Variants in CDC14A observed in about 807,000 individuals in gnomAD.
CDC14A encodes the protein dual specificity protein phosphatase CDC14A.
A neutral mutation model predicts 74.4 loss-of-function variants in CDC14A; 53 were observed. That is an observed-to-expected ratio of 0.71 (90% CI 0.57 to 0.89). The LOEUF is 0.89. Ranked by LOEUF, CDC14A falls within the 40% of genes least tolerant of loss-of-function variation. The pLI is 0.00. For synonymous variants in CDC14A, 247 were observed against 258.4 expected (o/e 0.96, Z 0.43); for missense variants, 646 against 713.7 (o/e 0.91, Z 1.08).
intron 15 of CDC14A, among the ~76,000 whole-genome samples, chr1:100,509,792 T>A (rs1451853017): frequency 6.6e-6 from 1 of 152,240 alleles, no homozygotes; most frequent in Non-Finnish European, 1.5e-5. Flanking sequence ...GAGAACTGTT[T>A]TTATCAGTTT....
At position 100,518,515 on chromosome 1, in the gene CDC14A, G is replaced by T; in HGVS notation, c.*235G>T. The T allele has an allele frequency of 4.7e-6, 2 of 424,456 alleles. No individual in the cohort carries two copies. Among genetic ancestry groups the T allele is most frequent in the African/African-American group, 2.0e-5 (1 of 49,048 alleles). The allele number at this position is 424,456 out of a possible 1,614,324, so 26.3% of individuals were successfully genotyped here. On this transcript the variant is annotated 3_prime_UTR_variant, in exon 16 of 16. Transcript: ENST00000336454. ...GGAGATTTCCATACTTTTAAAGACA[G>T]TTTTAATGTTGAATTTGGTATTTTG...
chr1:100,358,666 G>A lies in CDC14A; in HGVS notation c.140+4814G>A, dbSNP rs553598203. 4.8e-3 allele frequency among the ~76,000 whole-genome samples: 732 copies of A among 152,310 alleles called. 1 individual carries two copies. The highest frequency in any genetic ancestry group is 8.9e-3 in the Non-Finnish European group (603 of 68,034). On this transcript the variant is annotated intron_variant, in intron 2 of 15. Transcript: ENST00000336454. ...ATGAGAACTAATTAGCTAAATGGAA[G>A]ATTTAAATAATTTAAAACATTCAAT...
rs67056785 is a variant in CDC14A at position 100,491,548 on chromosome 1, CTA to C, written c.1138-3246_1138-3245del. Among the ~76,000 whole-genome samples the C allele has an allele frequency of 6.6e-3, 254 of 38,724 alleles. 8 individuals are homozygous for C. Among genetic ancestry groups the C allele is most frequent in the African/African-American group, 0.015 (178 of 11,570 alleles). The allele number at this position is 38,724 out of a possible 152,430, so 25.4% of individuals were successfully genotyped here. A position where few individuals can be genotyped will look rare whatever the true frequency, so the allele number is the denominator to read the frequency against. On this transcript the variant is annotated intron_variant, in intron 11 of 15. Coordinates refer to ENST00000336454, the MANE Select transcript of CDC14A (RefSeq NM_003672.4). ...TCTCTCTCTCTCTCTCTCTCTCTCT[CTA>C]TATATATATATATATATATATATTT...
At chr1:100,376,428 G>A (rs1306577368) in intron 2 of CDC14A, among the ~76,000 whole-genome samples, 1 of 152,138 alleles carries the variant, frequency 6.6e-6, no homozygotes, top group Non-Finnish European at 1.5e-5. Flanking sequence ...ATATTTATTT[G>A]TTGGCCTACT....
intron 15 of CDC14A, chr1:100,504,730 A>G: frequency 5.0e-6 from 5 of 996,014 alleles, no homozygotes; most frequent in South Asian, 4.2e-5. Flanking sequence ...TTGAGCTTTC[A>G]GGCCCTCTGT....
intron 8 of CDC14A, among the ~76,000 whole-genome samples, chr1:100,460,419 C>T (rs770203618): frequency 1.3e-5 from 2 of 152,122 alleles, no homozygotes; most frequent in African/African-American, 2.4e-5. Context: ...CAATTGCTAA[C>T]ACAACGTGTG....
chr1:100,410,602 C>T (rs1328825824), intron 4 of CDC14A, among the ~76,000 whole-genome samples: 1 of 152,236 alleles, frequency 6.6e-6, no homozygotes, highest in African/African-American at 2.4e-5. Context: ...CAGGCATGAG[C>T]CACTGTGCCC....
At chr1:100,351,772 T>C (rs940687561), upstream of CDC14A, 5 of 1,550,452 alleles carry the variant, frequency 3.2e-6, no homozygotes, top group African/African-American at 2.7e-5. Context: ...AAACTTTTTG[T>C]CCCGTGAGAA....
At chr1:100,351,102 G>T (rs1292254976), upstream of CDC14A, among the ~76,000 whole-genome samples, 5 of 152,102 alleles carry the variant, frequency 3.3e-5, no homozygotes, top group Non-Finnish European at 2.9e-5. Context: ...AATGAGGCAC[G>T]AGAATCGCTT....
At chr1:100,383,894 C>CT (rs368973262) in intron 3 of CDC14A, among the ~76,000 whole-genome samples, 2,068 of 146,386 alleles carry the variant, frequency 0.014, 38 homozygotes, top group African/African-American at 0.04. Flanking sequence ...ACCTTTAACT[C>CT]TTTTTTTTTT....
At chr1:100,420,063 C>CACACACACACACACATATATAT in intron 4 of CDC14A, among the ~76,000 whole-genome samples, 4 of 61,598 alleles carry the variant, frequency 6.5e-5, no homozygotes, top group African/African-American at 1.6e-4. Context: ...CACACACACA[C>CACACACACACACACATATATAT]ATATATATAT....
chr1:100,352,251 A>G (rs1388578974), upstream of CDC14A, among the ~76,000 whole-genome samples: 1 of 152,164 alleles, frequency 6.6e-6, no homozygotes, highest in Non-Finnish European at 1.5e-5. Flanking sequence ...CCCTGGGCCG[A>G]GGGCCCCGTT....
At position 100,520,182 on chromosome 1, in the gene CDC14A, T is replaced by G. The variant is rs1289868264; in HGVS notation, c.*1902T>G. 1 of 152,598 alleles carries G rather than the reference T, an allele frequency of 6.6e-6. No individual in the cohort carries two copies. The highest frequency in any genetic ancestry group is 2.4e-5 in the African/African-American group (1 of 41,458). The allele number at this position is 152,598 out of a possible 1,614,324, so 9.5% of individuals were successfully genotyped here. A position where few individuals can be genotyped will look rare whatever the true frequency, so the allele number is the denominator to read the frequency against. ...AATAAAAATTGTTTGACATGTATTTTGTTATGAATAGTTTATCTTCCAAAA... is the reference window on the plus strand; with the variant it reads ...AATAAAAATTGTTTGACATGTATTTGGTTATGAATAGTTTATCTTCCAAAA... On this transcript the variant is annotated 3_prime_UTR_variant, in exon 16 of 16. Coordinates refer to ENST00000336454, the MANE Select transcript of CDC14A (RefSeq NM_003672.4).
chr1:100,496,120 C>G, intron 13 of CDC14A, 71 bp downstream of exon 13: 1 of 1,324,288 alleles, frequency 7.6e-7, no homozygotes, highest in Non-Finnish European at 1.1e-6. Flanking sequence ...TTTCCCAAGC[C>G]TCAAACACGA....
At chr1:100,468,824 C>A (rs1298731257) in intron 10 of CDC14A, among the ~76,000 whole-genome samples, 3 of 152,142 alleles carry the variant, frequency 2.0e-5, no homozygotes, top group Non-Finnish European at 4.4e-5. Flanking sequence ...ACTGGTTGAT[C>A]TAAGTCCAGC....
chr1:100,491,572 A>ATATATTT lies in CDC14A; in HGVS notation c.1138-3245_1138-3244insATATTTT, dbSNP rs1418515078. Among the ~76,000 whole-genome samples, 16 of 25,106 alleles carry ATATATTT rather than the reference A, an allele frequency of 6.4e-4. 1 individual carries two copies. Among genetic ancestry groups the ATATATTT allele is most frequent in the Non-Finnish European group, 7.1e-4 (10 of 14,066 alleles). The allele number at this position is 25,106 out of a possible 152,430, so 16.5% of individuals were successfully genotyped here. ...TCTATATATATATATATATATATAT[A>ATATATTT]TTTTTTTTTTTTTTTTTTTTTTTGA... On this transcript the variant is annotated intron_variant, in intron 11 of 15. Transcript: ENST00000336454.
chr1:100,475,027 G>A (rs1469590165), intron 10 of CDC14A, among the ~76,000 whole-genome samples: 2 of 151,936 alleles, frequency 1.3e-5, no homozygotes, highest in Non-Finnish European at 2.9e-5. Context: ...TTTCCTTCTG[G>A]AACTCTGTTG....
chr1:100,518,083 T>C (rs1292044521), intron 15 of CDC14A, among the ~76,000 whole-genome samples, 168 bp from the exon 16 acceptor site: 1 of 152,218 alleles, frequency 6.6e-6, no homozygotes, highest in Non-Finnish European at 1.5e-5. Context: ...GAATATCTCA[T>C]TCTTACCTAG....
At chr1:100,360,832 C>T (rs1228378411) in intron 2 of CDC14A, among the ~76,000 whole-genome samples, 1 of 151,950 alleles carries the variant, frequency 6.6e-6, no homozygotes, top group Non-Finnish European at 1.5e-5. Flanking sequence ...AAAATGTAGC[C>T]GAGGTGCTAA....
Sources: allele counts gnomAD v4.1 joint callset (sites outside exome capture counted in the v4.1 genomes callset), GRCh38; gene constraint gnomAD v4.1.1; transcripts MANE v1.5; gene names NCBI Gene and HGNC (gene_info 2026-07-23, HGNC 2026-07-21).